Variants in PLCB1 observed in about 807,000 individuals in gnomAD.
The protein encoded by PLCB1 is 1-phosphatidylinositol 4,5-bisphosphate phosphodiesterase beta-1.
PLCB1 carries 46 observed loss-of-function variants against 161.8 expected under a neutral mutation model. The observed-to-expected ratio is 0.28, with a 90% CI of 0.22 to 0.36. The LOEUF is 0.36. Ranked by LOEUF, PLCB1 falls within the 10% of genes least tolerant of loss-of-function variation. The pLI, the probability that PLCB1 is intolerant of heterozygous loss-of-function variation, is 1.00. For synonymous variants in PLCB1, 517 were observed against 503.7 expected (o/e 1.03, Z -0.35); for missense variants, 1,016 against 1,472.5 (o/e 0.69, Z 5.07).
intron 9 of PLCB1, among the ~76,000 whole-genome samples, chr20:8,663,047 G>A (rs1018264748): frequency 1.3e-5 from 2 of 151,926 alleles, no homozygotes; most frequent in African/African-American, 4.8e-5. Flanking sequence ...TAGTTAAATT[G>A]GTGTTGATCT....
At chr20:8,359,261 T>G (rs577490833) in intron 2 of PLCB1, among the ~76,000 whole-genome samples, 145 of 152,234 alleles carry the variant, frequency 9.5e-4, no homozygotes, top group Admixed American at 3.4e-3. Flanking sequence ...AAAATTATCC[T>G]TATTCATTTT....
chr20:8,427,863 A>C, intron 3 of PLCB1, among the ~76,000 whole-genome samples: 1 of 152,228 alleles, frequency 6.6e-6, no homozygotes, highest in East Asian at 1.9e-4. Flanking sequence ...ATGTTTCATA[A>C]TGTTCAAGTT....
intron 2 of PLCB1, among the ~76,000 whole-genome samples, chr20:8,270,996 C>A (rs933050309): frequency 6.6e-6 from 1 of 152,122 alleles, no homozygotes; most frequent in Non-Finnish European, 1.5e-5. Flanking sequence ...AGTTACCAAC[C>A]CCCGTGCTGC....
chr20:8,699,017 AG>A (rs1352459517), intron 11 of PLCB1, among the ~76,000 whole-genome samples: 1 of 152,068 alleles, frequency 6.6e-6, no homozygotes, highest in African/African-American at 2.4e-5. Flanking sequence ...GGGCCATTGG[AG>A]TAGGGGAAAT....
intron 7 of PLCB1, chr20:8,651,636 A>C (rs973049871): frequency 5.0e-6 from 3 of 598,740 alleles, no homozygotes; most frequent in Non-Finnish European, 9.0e-6. Context: ...AGGCATTGAG[A>C]ATATGGTGGT....
At chr20:8,273,308 A>C (rs1049625085) in intron 2 of PLCB1, among the ~76,000 whole-genome samples, 2 of 152,178 alleles carry the variant, frequency 1.3e-5, no homozygotes, top group African/African-American at 4.8e-5. Context: ...AATATTAACC[A>C]ACAATAACTT....
At chr20:8,786,142 ACT>A (rs367751195) in intron 27 of PLCB1, among the ~76,000 whole-genome samples, 35 of 152,010 alleles carry the variant, frequency 2.3e-4, no homozygotes, top group African/African-American at 8.0e-4. Context: ...TCCCTGGATA[ACT>A]CTCTGTAACT....
chr20:8,391,236 T>A (rs1987576309), intron 3 of PLCB1, among the ~76,000 whole-genome samples: 1 of 151,906 alleles, frequency 6.6e-6, no homozygotes, highest in East Asian at 1.9e-4. Context: ...CTGATTAAAA[T>A]CTAACTTCTA....
intron 2 of PLCB1, among the ~76,000 whole-genome samples, chr20:8,291,097 A>G (rs1983363829): frequency 6.6e-6 from 1 of 151,978 alleles, no homozygotes; most frequent in Non-Finnish European, 1.5e-5. Flanking sequence ...AAAATTGAGT[A>G]GAAGCTTCTG....
At chr20:8,601,965 A>C (rs1035860675) in intron 3 of PLCB1, among the ~76,000 whole-genome samples, 1 of 152,120 alleles carries the variant, frequency 6.6e-6, no homozygotes, top group Non-Finnish European at 1.5e-5. Context: ...TGCAGCACCA[A>C]CACCTTCACC....
chr20:8,790,120 A>T, intron 30 of PLCB1, 55 bp from the exon 31 acceptor site: 1 of 1,236,600 alleles, frequency 8.1e-7, no homozygotes, highest in Non-Finnish European at 1.2e-6. Flanking sequence ...TTTTCTGAAA[A>T]CGTGCACTTT....
chr20:8,158,532 T>C (rs2051586413), intron 2 of PLCB1, among the ~76,000 whole-genome samples: 1 of 152,120 alleles, frequency 6.6e-6, no homozygotes, highest in Admixed American at 6.5e-5. Flanking sequence ...TGTCCTAATA[T>C]TTCAAAACAA....
intron 3 of PLCB1, among the ~76,000 whole-genome samples, chr20:8,514,576 C>T (rs1984034190): frequency 6.6e-6 from 1 of 151,900 alleles, no homozygotes; most frequent in Non-Finnish European, 1.5e-5. Flanking sequence ...TACTCAGAGG[C>T]TGAGAAGAAA....
Position 8,649,256 on chromosome 20 carries a change from TTAAATA to T in PLCB1, c.519-116_519-111del. Reference sequence around the variant, plus strand: ...GGAGGAATGGTTATCTTTTAGTTCTTTAAATATGAATAATAAATAGATTTGACTGAA... The same window carrying T: ...GGAGGAATGGTTATCTTTTAGTTCTTTGAATAATAAATAGATTTGACTGAA... On this transcript the variant is annotated intron_variant, in intron 6 of 31. Coordinates refer to ENST00000338037, the MANE Select transcript of PLCB1 (RefSeq NM_015192.4). 3 of 646,958 alleles carry T rather than the reference TTAAATA, an allele frequency of 4.6e-6. No homozygotes were observed. The South Asian group carries it at 6.1e-5, about 13-fold the overall frequency. The allele number at this position is 646,958 out of a possible 1,614,324, so 40.1% of individuals were successfully genotyped here.
chr20:8,246,320 T>A (rs1450275151), intron 2 of PLCB1, among the ~76,000 whole-genome samples: 1 of 151,928 alleles, frequency 6.6e-6, no homozygotes, highest in African/African-American at 2.4e-5. Flanking sequence ...CTGAGTCAGC[T>A]AGGTTGCTTT....
At chr20:8,593,174 G>A (rs967704603) in intron 3 of PLCB1, among the ~76,000 whole-genome samples, 8 of 151,878 alleles carry the variant, frequency 5.3e-5, no homozygotes, top group Non-Finnish European at 5.9e-5. Flanking sequence ...TATCTTACAC[G>A]CATACTTAGT....
chr20:8,253,638 T>G (rs1356707791), intron 2 of PLCB1, among the ~76,000 whole-genome samples: 2 of 151,972 alleles, frequency 1.3e-5, no homozygotes, highest in Non-Finnish European at 2.9e-5. Flanking sequence ...CAACTTTTAT[T>G]TTAGATACAG....
intron 12 of PLCB1, among the ~76,000 whole-genome samples, chr20:8,712,031 G>A (rs1015478855): frequency 5.3e-5 from 8 of 152,150 alleles, no homozygotes; most frequent in African/African-American, 1.9e-4. Flanking sequence ...GACAGGGCAC[G>A]GTGGCTCACG....
intron 31 of PLCB1, among the ~76,000 whole-genome samples, chr20:8,860,641 C>T (rs1393728842): frequency 6.6e-6 from 1 of 152,190 alleles, no homozygotes; most frequent in East Asian, 1.9e-4. Context: ...GTAATCCATT[C>T]ATCTCCACAG....
Sources: allele counts gnomAD v4.1 joint callset (sites outside exome capture counted in the v4.1 genomes callset), GRCh38; gene constraint gnomAD v4.1.1; transcripts MANE v1.5; gene names NCBI Gene and HGNC (gene_info 2026-07-23, HGNC 2026-07-21).